Variants in HTR3C observed in about 807,000 individuals in gnomAD.
HTR3C encodes 5-HT3-C.
In HTR3C, 32 loss-of-function variants were observed where a neutral mutation model predicts 40.5. The observed-to-expected ratio is 0.79, with a 90% CI of 0.60 to 1.06. HTR3C has a LOEUF of 1.06. HTR3C is among the 50% of genes least tolerant of loss of function. The pLI is 0.00. For synonymous variants in HTR3C, 209 were observed against 217.1 expected (o/e 0.96, Z 0.33); for missense variants, 523 against 556.8 (o/e 0.94, Z 0.61).
intron 1 of HTR3C, among the ~76,000 whole-genome samples, chr3:184,054,046 C>T (rs2108970206): frequency 6.6e-6 from 1 of 151,080 alleles, no homozygotes; most frequent in South Asian, 2.1e-4. Flanking sequence ...AGTCACCGCG[C>T]CCGGCACACC....
chr3:184,053,138 C>T lies in HTR3C; in HGVS notation c.58C>T (p.Leu20=). ...CCTCCTCTGCCTCACTGTCAGTCTT[C>T]TGCTTCAAGGTAAGATGGGACGAGA... The part of the protein sequence containing the change: ...SALLCLTVSL[L]LQGRGDAFTI... Residue 20 remains leucine (L), a synonymous_variant, in exon 1 of 9, where the codon CTG becomes TTG. Coordinates refer to ENST00000318351, the MANE Select transcript of HTR3C (RefSeq NM_130770.3). 2 of 1,613,652 alleles carry T rather than the reference C, an allele frequency of 1.2e-6. No individual in the cohort carries two copies. The highest frequency in any genetic ancestry group is 8.5e-7 in the Non-Finnish European group (1 of 1,179,612).
In HTR3C at chr3:184,060,024, C is replaced by T; in HGVS notation, c.1122C>T (p.Leu374=). The T allele has an allele frequency of 6.2e-7, 1 of 1,613,692 alleles. No homozygotes were observed. The highest frequency in any genetic ancestry group is 8.5e-7 in the Non-Finnish European group (1 of 1,179,902). Reference sequence around the variant, plus strand: ...AGAAGGGAAATAAGGGCCTGGGTCTCACCCTCACCCACCTGCCTGGTGAGG... The same window carrying T: ...AGAAGGGAAATAAGGGCCTGGGTCTTACCCTCACCCACCTGCCTGGTGAGG... ...APQKGNKGLG[L]TLTHLPGPKE... is the part of the protein sequence containing the mutation. Residue 374 remains leucine, a synonymous_variant, in exon 8 of 9, where the codon CTC becomes CTT. Transcript: ENST00000318351.
At chr3:184,053,198 C>G (rs774119331) in intron 1 of HTR3C, 51 bp downstream of exon 1, 1 of 1,304,178 alleles carries the variant, frequency 7.7e-7, no homozygotes, top group South Asian at 1.2e-5. Flanking sequence ...CGAGGGACAC[C>G]TGGACTCACC....
In HTR3C at chr3:184,057,733, TCAAAACAAAA is replaced by T. The variant is rs68137954; in HGVS notation, c.560-673_560-664del. ...CTGGGCGACAGAGCGAGACTCCGTC[TCAAAACAAAA>T]CAAAACAAAACAAAACAAAAAACAA... On this transcript the variant is annotated intron_variant, in intron 5 of 8. Transcript: ENST00000318351. Among the ~76,000 whole-genome samples the T allele has an allele frequency of 6.6e-3, 991 of 150,492 alleles. 10 individuals carry two copies. The highest frequency in any genetic ancestry group is 0.022 in the African/African-American group (892 of 40,914).
In HTR3C at chr3:184,060,520, T is replaced by C; in HGVS notation, c.*168T>C. ...CTAGCAAGCAGGTTCGGGACAGCCC[T>C]GGACGATTTCCCGACCGCTGCTCAG... is the stretch of plus-strand genomic sequence containing the variant. On this transcript the variant is annotated 3_prime_UTR_variant, in exon 9 of 9. Transcript: ENST00000318351. 3.7e-6 allele frequency: 3 copies of C among 818,294 alleles called. No homozygotes were observed. The highest frequency in any genetic ancestry group is 5.8e-6 in the Non-Finnish European group (3 of 517,102). 50.7% of individuals were successfully genotyped at this position (818,294 alleles called of 1,614,324 possible). A position where few individuals can be genotyped will look rare whatever the true frequency, so the allele number is the denominator to read the frequency against.
At chr3:184,057,710 G>T (rs1468040639) in intron 5 of HTR3C, among the ~76,000 whole-genome samples, 3 of 151,892 alleles carry the variant, frequency 2.0e-5, no homozygotes, top group Admixed American at 6.6e-5. Flanking sequence ...ACTCCAGCCT[G>T]GGCGACAGAG....
Position 184,059,586 on chromosome 3 carries a change from G to T in HTR3C, c.871G>T (p.Val291Phe). 1 of 1,613,648 alleles carries T rather than the reference G, an allele frequency of 6.2e-7. No individual in the cohort carries two copies. ...FKITLLLGYNVFLLMMNDLLP... is the reference protein window; with the variant it reads ...FKITLLLGYNFFLLMMNDLLP... The stretch of plus-strand genomic sequence containing the variant: ...GATAACACTTCTGCTGGGCTACAAC[G>T]TCTTCCTGCTCATGATGAATGACTT... The change falls in exon 7 of 9, where the codon GTC becomes TTC. Residue 291 changes from valine to phenylalanine, a missense_variant. Val to Phe is a conservative substitution (Grantham distance 50). Coordinates refer to ENST00000318351, the MANE Select transcript of HTR3C (RefSeq NM_130770.3).
At chr3:184,058,382 G>A (rs1723372499) in intron 5 of HTR3C, 45 bp from the exon 6 acceptor site, 3 of 1,522,714 alleles carry the variant, frequency 2.0e-6, no homozygotes, top group Non-Finnish European at 2.6e-6. Context: ...GTGGGCGGGA[G>A]GCTTGGGAAA....
chr3:184,059,103 A>G (rs6797714), intron 6 of HTR3C, among the ~76,000 whole-genome samples: 111,443 of 151,964 alleles, frequency 0.73, 42,230 homozygotes, highest in African/African-American at 0.93. Context: ...TCATTCACCC[A>G]CTCCTGCTCT....
chr3:184,060,254 G>A lies in HTR3C; in HGVS notation c.1246G>A (p.Val416Met), dbSNP rs1183624371. Residue 416 changes from valine (V) to methionine (M), a missense_variant, in exon 9 of 9, where the codon GTG becomes ATG. Val to Met is a conservative substitution (Grantham distance 21, BLOSUM62 1). Transcript: ENST00000318351. ...WTKTQLMELW[V>M]QFSHAMDTLL... ...AAAGACCCAGCTAATGGAGCTGTGG[G>A]TGCAGTTCAGCCACGCGATGGACAC... The A allele has an allele frequency of 3.7e-6, 6 of 1,613,982 alleles. No individual in the cohort carries two copies. The South Asian group carries it at 6.6e-5, about 18-fold the overall frequency.
At chr3:184,057,714 G>A (rs1200518679) in intron 5 of HTR3C, among the ~76,000 whole-genome samples, 3 of 151,428 alleles carry the variant, frequency 2.0e-5, no homozygotes, top group Admixed American at 6.6e-5. Context: ...CAGCCTGGGC[G>A]ACAGAGCGAG....
At chr3:184,053,814 G>A (rs1240918388) in intron 1 of HTR3C, among the ~76,000 whole-genome samples, 1 of 152,084 alleles carries the variant, frequency 6.6e-6, no homozygotes, top group Non-Finnish European at 1.5e-5. Flanking sequence ...GAGTGCAGTG[G>A]CACGATCTTG....
At chr3:184,054,550 A>G (rs986413911) in intron 1 of HTR3C, among the ~76,000 whole-genome samples, 171 bp from the exon 2 acceptor site, 1 of 152,078 alleles carries the variant, frequency 6.6e-6, no homozygotes, top group Non-Finnish European at 1.5e-5. Flanking sequence ...CACTTCCACC[A>G]TTTGCCTACC....
At chr3:184,056,553 C>T (rs907622923) in intron 4 of HTR3C, among the ~76,000 whole-genome samples, 3 of 152,148 alleles carry the variant, frequency 2.0e-5, no homozygotes, top group African/African-American at 7.2e-5. Context: ...TCGAGACCAG[C>T]CTGGCCAACA....
At chr3:184,058,648 C>A in intron 6 of HTR3C, 61 bp downstream of exon 6, 3 of 1,553,976 alleles carry the variant, frequency 1.9e-6, no homozygotes, top group South Asian at 1.2e-5. Context: ...GTCCTCTTGA[C>A]CTATGGCTCT....
Position 184,060,633 on chromosome 3 carries a change from C to G in HTR3C, c.*281C>G. ...CAATGGAAGTCCAGGTCAGTGGAGT[C>G]TCTCCTTGATTGATCACCCCAATAA... On this transcript the variant is annotated 3_prime_UTR_variant, in exon 9 of 9. Coordinates refer to ENST00000318351, the MANE Select transcript of HTR3C (RefSeq NM_130770.3). The G allele has an allele frequency of 2.0e-6, 1 of 506,968 alleles. No homozygotes were observed. The highest frequency in any genetic ancestry group is 3.3e-5 in the Admixed American group (1 of 30,642). The allele number at this position is 506,968 out of a possible 1,614,324, so 31.4% of individuals were successfully genotyped here.
rs749073083 is a variant in HTR3C, at chr3:184,060,205, G to A, written c.1197G>A (p.Glu399=). The stretch of plus-strand genomic sequence containing the variant: ...AGAAGCTGGGACCCAGAGAGACCGA[G>A]CCAGATGGGGGCTCAGGATGGACAA... ...AGKKLGPRET[E]PDGGSGWTKT... is the part of the protein sequence containing the mutation. The change falls in exon 9 of 9, where the codon GAG becomes GAA. Residue 399 remains glutamate, a synonymous_variant. Coordinates refer to ENST00000318351, the MANE Select transcript of HTR3C (RefSeq NM_130770.3). 5 of 1,614,172 alleles carry A rather than the reference G, an allele frequency of 3.1e-6. No homozygotes were observed. The East Asian group carries it at 1.1e-4, about 36-fold the overall frequency.
Position 184,056,998 on chromosome 3 carries a change from T to C in HTR3C, c.513T>C (p.Phe171=). 1 of 1,613,794 alleles carries C rather than the reference T, an allele frequency of 6.2e-7. No individual in the cohort carries two copies. Among genetic ancestry groups the C allele is most frequent in the East Asian group, 2.2e-5 (1 of 44,868 alleles). ...ACCTGGACATCTTCTACTTCCCTTT[T>C]GACCAACAGAACTGTACCTTCACCT... The part of the protein sequence containing the change: ...ICNLDIFYFP[F]DQQNCTFTFS... Residue 171 remains phenylalanine, a synonymous_variant, in exon 5 of 9, where the codon TTT becomes TTC. Transcript: ENST00000318351.
intron 3 of HTR3C, among the ~76,000 whole-genome samples, 200 bp from the exon 4 acceptor site, chr3:184,055,977 T>C (rs1362757964): frequency 6.9e-6 from 1 of 145,044 alleles, no homozygotes; most frequent in Non-Finnish European, 1.5e-5. Flanking sequence ...CCATATTTAA[T>C]ATCTGCCTGC....
Sources: allele counts gnomAD v4.1 joint callset (sites outside exome capture counted in the v4.1 genomes callset), GRCh38; gene constraint gnomAD v4.1.1; transcripts MANE v1.5; gene names NCBI Gene and HGNC (gene_info 2026-07-23, HGNC 2026-07-21).